TNRC6B: variants seen among roughly 807,000 people sequenced by gnomAD.
The protein encoded by TNRC6B is trinucleotide repeat containing adaptor 6B.
Under a neutral mutation model 203.6 loss-of-function variants are expected in TNRC6B, and 52 were observed. That is an observed-to-expected ratio of 0.26 (90% CI 0.20 to 0.32). The LOEUF is 0.32. Among genes scored for constraint, TNRC6B ranks in the 10% least tolerant of loss-of-function variants. The probability of loss-of-function intolerance (pLI) is 1.00; values close to 1 mark genes in which losing one functional copy is unlikely to be tolerated. For synonymous variants in TNRC6B, 838 were observed against 845.7 expected (o/e 0.99, Z 0.16); for missense variants, 1,923 against 2,286.2 (o/e 0.84, Z 3.24).
chr22:40,095,068 G>A lies in TNRC6B; in HGVS notation c.-120-21987G>A, dbSNP rs573812832. Among the ~76,000 whole-genome samples, 702 of 152,122 alleles carry A rather than the reference G, an allele frequency of 4.6e-3. 10 individuals carry two copies. Among genetic ancestry groups the A allele is most frequent in the Non-Finnish European group, 7.0e-3 (473 of 68,018 alleles). On this transcript the variant is annotated intron_variant, in intron 1 of 23. Transcript: ENST00000301923. Reference sequence around the variant, plus strand: ...TAGAGTGTTGTCGTTTCATGAGGCCGTACACTCCAGAAATCTTTACAATTA... The same window carrying A: ...TAGAGTGTTGTCGTTTCATGAGGCCATACACTCCAGAAATCTTTACAATTA...
At chr22:40,273,810 C>G (rs923559517) in intron 7 of TNRC6B, among the ~76,000 whole-genome samples, 1 of 152,144 alleles carries the variant, frequency 6.6e-6, no homozygotes, top group Non-Finnish European at 1.5e-5. Context: ...ATCACCATGC[C>G]TGGCTAAATT....
At chr22:40,176,043 G>A (rs1382611264), upstream of TNRC6B, among the ~76,000 whole-genome samples, 1 of 152,162 alleles carries the variant, frequency 6.6e-6, no homozygotes, top group African/African-American at 2.4e-5. Flanking sequence ...TAGTTTATGG[G>A]AGAAGCACAC....
intron 3 of TNRC6B, among the ~76,000 whole-genome samples, chr22:40,154,860 AATATATATATATATATAT>A (rs71199273): frequency 2.5e-4 from 6 of 23,584 alleles, no homozygotes; most frequent in East Asian, 1.9e-3. Context: ...AAAAAAAAAA[AATATATATATATATATAT>A]ATATATATAT....
Position 40,285,694 on chromosome 22 carries a change from T to C in TNRC6B, c.3632T>C (p.Leu1211Pro). The C allele has an allele frequency of 1.2e-6, 2 of 1,614,006 alleles. No individual in the cohort carries two copies. The highest frequency in any genetic ancestry group is 1.7e-6 in the Non-Finnish European group (2 of 1,179,888). ...FGNSTAQSRG[L>P]HTPVQPLNSS... is the part of the protein sequence containing the mutation. ...AACAGCACAGCACAATCGAGAGGTC[T>C]GCACACACCCGTGCAGCCACTAAAT... is the stretch of plus-strand genomic sequence containing the variant. The change falls in exon 12 of 23, where the codon CTG (leucine) becomes CCG (proline). Residue 1211 changes from leucine (L) to proline (P), a missense_variant. Physicochemically the swap from Leu to Pro is moderately conservative, Grantham distance 98. Coordinates refer to ENST00000454349, the MANE Select transcript of TNRC6B (RefSeq NM_001162501.2).
intron 1 of TNRC6B, among the ~76,000 whole-genome samples, chr22:40,238,374 C>A (rs1402466503): frequency 9.2e-5 from 14 of 152,154 alleles, no homozygotes; most frequent in Non-Finnish European, 1.8e-4. Context: ...CATTTAGGTG[C>A]TTGTGTTCAC....
intron 1 of TNRC6B, among the ~76,000 whole-genome samples, chr22:40,075,150 ATATATATTTT>A (rs1298500009): frequency 7.2e-5 from 5 of 69,334 alleles, no homozygotes; most frequent in African/African-American, 2.1e-4. Flanking sequence ...ATATATATAT[ATATATATTTT>A]TTTTTTTTTT....
intron 4 of TNRC6B, chr22:40,156,197 A>G: frequency 8.3e-6 from 13 of 1,560,066 alleles, no homozygotes; most frequent in Non-Finnish European, 1.0e-5. Context: ...GTCACAGTTT[A>G]TTTAAAAAGA....
intron 3 of TNRC6B, among the ~76,000 whole-genome samples, chr22:40,152,779 T>A (rs1436202795): frequency 2.0e-5 from 3 of 151,998 alleles, no homozygotes; most frequent in African/African-American, 7.2e-5. Flanking sequence ...CTTTAACTTT[T>A]ATATTTAATT....
At chr22:40,150,021 G>A (rs751372362) in intron 3 of TNRC6B, among the ~76,000 whole-genome samples, 1 of 113,848 alleles carries the variant, frequency 8.8e-6, no homozygotes, top group Non-Finnish European at 1.7e-5. Context: ...TTTCGGTGGG[G>A]TGGAAAAAGT....
At chr22:40,275,442 G>T (rs926072582) in intron 7 of TNRC6B, among the ~76,000 whole-genome samples, 1 of 151,712 alleles carries the variant, frequency 6.6e-6, no homozygotes, top group Non-Finnish European at 1.5e-5. Context: ...TACCGAGGGC[G>T]TTTTTTTTAA....
rs2044024368 is a variant in TNRC6B at position 40,335,612 on chromosome 22, A to G, written c.*12371A>G. 6.6e-6 allele frequency: 1 copy of G among 150,652 alleles called. No homozygotes were observed. 9.3% of individuals were successfully genotyped at this position (150,652 alleles called of 1,614,324 possible). A position where few individuals can be genotyped will look rare whatever the true frequency, so the allele number is the denominator to read the frequency against. On this transcript the variant is annotated 3_prime_UTR_variant, in exon 23 of 23. Coordinates refer to ENST00000454349, the MANE Select transcript of TNRC6B (RefSeq NM_001162501.2). The stretch of plus-strand genomic sequence containing the variant: ...TGAGAGATGATGTAATGCATATATA[A>G]GAGTTTTCTGAAGGGTTTTTTTTGG...
At chr22:40,274,710 T>A (rs1270888704) in intron 7 of TNRC6B, among the ~76,000 whole-genome samples, 1 of 152,118 alleles carries the variant, frequency 6.6e-6, no homozygotes, top group Non-Finnish European at 1.5e-5. Context: ...CGTGAGCCTC[T>A]GCGCCCAGCC....
intron 1 of TNRC6B, among the ~76,000 whole-genome samples, chr22:40,229,631 C>G (rs185396069): frequency 6.6e-6 from 1 of 152,258 alleles, no homozygotes; most frequent in Non-Finnish European, 1.5e-5. Flanking sequence ...CCCTTCTCCA[C>G]CCCAGATAAC....
chr22:40,309,576 A>T lies in TNRC6B; in HGVS notation c.4258+927A>T, dbSNP rs78709445. Among the ~76,000 whole-genome samples the T allele has an allele frequency of 2.8e-3, 421 of 152,344 alleles. 1 individual carries two copies. The highest frequency in any genetic ancestry group is 9.9e-3 in the African/African-American group (411 of 41,574). On this transcript the variant is annotated intron_variant, in intron 16 of 22. Coordinates refer to ENST00000454349, the MANE Select transcript of TNRC6B (RefSeq NM_001162501.2). ...GTAAAATCTGTTTGTGGACTGAATA[A>T]TCTAAGCCCACTGATATCTACAGCT... is the stretch of plus-strand genomic sequence containing the variant.
intron 4 of TNRC6B, among the ~76,000 whole-genome samples, chr22:40,164,711 G>A (rs1601852538): frequency 7.0e-6 from 1 of 143,566 alleles, no homozygotes; most frequent in African/African-American, 2.6e-5. Flanking sequence ...GTGGTGAGCC[G>A]AGATCGCGCC....
At chr22:40,249,938 C>T (rs1052748459) in intron 2 of TNRC6B, among the ~76,000 whole-genome samples, 6 of 152,128 alleles carry the variant, frequency 3.9e-5, no homozygotes, top group Non-Finnish European at 2.9e-5. Context: ...GTTCTACAGG[C>T]GGATCCTTTA....
At chr22:40,059,013 A>G (rs1473423179) in intron 1 of TNRC6B, among the ~76,000 whole-genome samples, 1 of 152,140 alleles carries the variant, frequency 6.6e-6, no homozygotes, top group Non-Finnish European at 1.5e-5. Context: ...GTGAAATCCA[A>G]ACACCTTTGT....
In TNRC6B at chr22:40,265,559, T is replaced by C; in HGVS notation, c.1329T>C (p.Ser443=). 6.2e-7 allele frequency: 1 copy of C among 1,613,780 alleles called. No individual in the cohort carries two copies. Among genetic ancestry groups the C allele is most frequent in the Non-Finnish European group, 8.5e-7 (1 of 1,179,816 alleles). The stretch of plus-strand genomic sequence containing the variant: ...ACACAGTCTCTGGACAAAGCAATTC[T>C]GGAAACAATGGGAACAATGGAAAAG... ...GTDTVSGQSN[S]GNNGNNGKER... Residue 443 remains serine (S), a synonymous_variant, in exon 5 of 23, where the codon TCT becomes TCC. Coordinates refer to ENST00000454349, the MANE Select transcript of TNRC6B (RefSeq NM_001162501.2).
At chr22:40,271,614 C>T (rs553339645) in intron 6 of TNRC6B, among the ~76,000 whole-genome samples, 1 of 152,054 alleles carries the variant, frequency 6.6e-6, no homozygotes, top group Non-Finnish European at 1.5e-5. Context: ...TTGAAATAGA[C>T]CCAAAATGCT....
Sources: allele counts gnomAD v4.1 joint callset (sites outside exome capture counted in the v4.1 genomes callset), GRCh38; gene constraint gnomAD v4.1.1; transcripts MANE v1.5; gene names NCBI Gene and HGNC (gene_info 2026-07-23, HGNC 2026-07-21).